PDE4B: variants seen among roughly 807,000 people sequenced by gnomAD.
PDE4B encodes the protein phosphodiesterase 4B, also known as 3',5'-cyclic-AMP phosphodiesterase 4B.
Under a neutral mutation model 82.2 loss-of-function variants are expected in PDE4B, and 20 were observed. That is an observed-to-expected ratio of 0.24 (90% CI 0.17 to 0.35). PDE4B has a LOEUF of 0.35. PDE4B is among the 10% of genes least tolerant of loss of function. The probability of loss-of-function intolerance (pLI) is 1.00; values close to 1 mark genes in which losing one functional copy is unlikely to be tolerated. For missense variants in PDE4B, 655 were observed against 907.2 expected, an observed-to-expected ratio of 0.72 and a Z score of 3.57; for synonymous variants, 320 against 318.9, an observed-to-expected ratio of 1.00 and a Z score of -0.04.
At chr1:66,372,290 T>C in intron 16 of PDE4B, 23 bp from the exon 17 acceptor site, 1 of 1,582,594 alleles carries the variant, frequency 6.3e-7, no homozygotes, top group Non-Finnish European at 8.6e-7. Context: ...CAATAACAGA[T>C]GTGTCATCTT....
At chr1:66,313,435 G>T (rs933815560) in intron 7 of PDE4B, among the ~76,000 whole-genome samples, 1 of 152,118 alleles carries the variant, frequency 6.6e-6, no homozygotes, top group Admixed American at 6.6e-5. Context: ...TTTCGTGGAG[G>T]GAATGGCTCT....
intron 3 of PDE4B, among the ~76,000 whole-genome samples, chr1:66,197,556 T>C (rs11208816): frequency 0.5 from 76,605 of 151,932 alleles, 20,006 homozygotes; most frequent in South Asian, 0.63. Context: ...ACTTTACAGA[T>C]ATGCAACTTA....
chr1:66,301,906 A>G (rs1394516913), intron 7 of PDE4B, among the ~76,000 whole-genome samples: 1 of 152,128 alleles, frequency 6.6e-6, no homozygotes, highest in Admixed American at 6.6e-5. Flanking sequence ...TTGGGCTTTT[A>G]TAACTCTAGA....
At chr1:66,258,328 G>A (rs1249162579) in intron 6 of PDE4B, among the ~76,000 whole-genome samples, 3 of 151,988 alleles carry the variant, frequency 2.0e-5, no homozygotes, top group Non-Finnish European at 2.9e-5. Flanking sequence ...AATAAGAGTG[G>A]GATTATCTTC....
At chr1:65,804,975 G>A (rs1300600334) in intron 1 of PDE4B, among the ~76,000 whole-genome samples, 1 of 119,350 alleles carries the variant, frequency 8.4e-6, no homozygotes, top group East Asian at 3.0e-4. Context: ...GGGTGGGTGG[G>A]GGGTGGGAGG....
chr1:65,961,780 A>G (rs1365214290), intron 3 of PDE4B, among the ~76,000 whole-genome samples: 3 of 152,140 alleles, frequency 2.0e-5, no homozygotes, highest in Non-Finnish European at 4.4e-5. Context: ...GGAAGGTGTC[A>G]TGTTATGCCA....
At chr1:65,978,869 T>C (rs761361907) in intron 3 of PDE4B, among the ~76,000 whole-genome samples, 36 of 152,218 alleles carry the variant, frequency 2.4e-4, no homozygotes, top group Non-Finnish European at 4.3e-4. Context: ...TCCTTTTTTA[T>C]ACATCTGGGA....
intron 1 of PDE4B, among the ~76,000 whole-genome samples, chr1:65,873,788 A>G (rs1385208028): frequency 1.3e-5 from 2 of 152,190 alleles, no homozygotes. Flanking sequence ...TATATTTCAT[A>G]AATAGAGGTA....
intron 3 of PDE4B, among the ~76,000 whole-genome samples, chr1:65,982,114 T>C (rs1022644804): frequency 1.3e-5 from 2 of 152,190 alleles, no homozygotes; most frequent in Non-Finnish European, 2.9e-5. Flanking sequence ...CAGGAGACTA[T>C]TGTTAGACTT....
chr1:65,838,310 C>T (rs958819278), intron 1 of PDE4B, among the ~76,000 whole-genome samples: 17 of 151,802 alleles, frequency 1.1e-4, no homozygotes, highest in Admixed American at 9.9e-4. Context: ...AATTTAATTG[C>T]CCCTTGCTTG....
At chr1:65,995,047 G>A (rs1651462042) in intron 3 of PDE4B, among the ~76,000 whole-genome samples, 1 of 152,054 alleles carries the variant, frequency 6.6e-6, no homozygotes, top group South Asian at 2.1e-4. Context: ...TCTTTTAGTT[G>A]AGTTAAAACA....
intron 1 of PDE4B, among the ~76,000 whole-genome samples, chr1:65,869,073 G>A (rs556043121): frequency 6.6e-6 from 1 of 152,278 alleles, no homozygotes; most frequent in South Asian, 2.1e-4. Context: ...ACAGAGGAAT[G>A]GGAAATCTAG....
At chr1:65,994,612 G>T (rs540793858) in intron 3 of PDE4B, among the ~76,000 whole-genome samples, 29 of 151,974 alleles carry the variant, frequency 1.9e-4, no homozygotes, top group South Asian at 4.1e-4. Context: ...CTTATAGTTT[G>T]CTGAGTAGTA....
intron 3 of PDE4B, among the ~76,000 whole-genome samples, chr1:66,173,018 T>C (rs1646866779): frequency 6.6e-6 from 1 of 152,204 alleles, no homozygotes; most frequent in Non-Finnish European, 1.5e-5. Flanking sequence ...TGATTATAAA[T>C]CAGCATGTTA....
At chr1:66,323,165 A>C (rs1369096965) in intron 7 of PDE4B, among the ~76,000 whole-genome samples, 1 of 152,140 alleles carries the variant, frequency 6.6e-6, no homozygotes, top group Admixed American at 6.6e-5. Flanking sequence ...AGATCTTTGC[A>C]TGGCCTTCCA....
chr1:66,140,466 T>C (rs1420516540), intron 3 of PDE4B, among the ~76,000 whole-genome samples: 1 of 152,200 alleles, frequency 6.6e-6, no homozygotes, highest in Non-Finnish European at 1.5e-5. Context: ...CTGAAGATTC[T>C]TGAATCATGT....
At chr1:66,075,725 A>T (rs1656394599) in intron 3 of PDE4B, among the ~76,000 whole-genome samples, 1 of 152,040 alleles carries the variant, frequency 6.6e-6, no homozygotes. Flanking sequence ...GCACCATGCA[A>T]CGGGAAGAAG....
chr1:66,017,358 A>G (rs1652837382), intron 3 of PDE4B, among the ~76,000 whole-genome samples: 1 of 152,206 alleles, frequency 6.6e-6, no homozygotes, highest in African/African-American at 2.4e-5. Context: ...TAATTTGTTC[A>G]ATATTGATGT....
intron 3 of PDE4B, among the ~76,000 whole-genome samples, chr1:66,219,220 G>A (rs1000487318): frequency 2.0e-5 from 3 of 152,128 alleles, no homozygotes; most frequent in African/African-American, 7.2e-5. Context: ...GCAACATGAT[G>A]GCAGGGGTTA....
Sources: allele counts gnomAD v4.1 joint callset (sites outside exome capture counted in the v4.1 genomes callset), GRCh38; gene constraint gnomAD v4.1.1; transcripts MANE v1.5; gene names NCBI Gene and HGNC (gene_info 2026-07-23, HGNC 2026-07-21).